Variants in UBQLN4 observed in about 807,000 individuals in gnomAD.
UBQLN4 encodes ubiquilin 4, also known as ubiquilin-4.
A neutral mutation model predicts 60.4 loss-of-function variants in UBQLN4; 11 were observed. The ratio of observed to expected loss-of-function variants is 0.18; its 90% CI spans 0.11 to 0.30. UBQLN4 has a LOEUF of 0.30. Ranked by LOEUF, UBQLN4 falls within the 10% of genes least tolerant of loss-of-function variation. The probability of loss-of-function intolerance (pLI) is 1.00; values close to 1 mark genes in which losing one functional copy is unlikely to be tolerated. For missense variants in UBQLN4, 417 were observed against 795.5 expected (o/e 0.52, Z 5.72); for synonymous variants, 258 against 313.1 (o/e 0.82, Z 1.86).
chr1:156,052,382 A>G (rs1299810607), intron 1 of UBQLN4, among the ~76,000 whole-genome samples: 1 of 152,238 alleles, frequency 6.6e-6, no homozygotes, highest in East Asian at 1.9e-4. Context: ...GCTGGAGTGC[A>G]GAGGTGCGAT....
chr1:156,043,059 C>T (rs1211892211), intron 6 of UBQLN4, 146 bp from the exon 7 acceptor site: 2 of 1,157,688 alleles, frequency 1.7e-6, no homozygotes, highest in African/African-American at 3.1e-5. Flanking sequence ...AGGATTGTGG[C>T]ATGAGTCCAA....
In UBQLN4 at chr1:156,050,374, T is replaced by C; in HGVS notation, c.658A>G (p.Met220Val). ...AACTGCTGCATCTGGGGGTTGGCCA[T>C]AATCATGTGACGCATCAGATCAGGG... ...SNPDLMRHMIMANPQMQQLME... is the reference protein window; with the variant it reads ...SNPDLMRHMIVANPQMQQLME... Residue 220 changes from methionine to valine, a missense_variant, in exon 4 of 11, where the codon ATG (methionine) becomes GTG (valine). Met to Val is a conservative substitution (Grantham distance 21). Coordinates refer to ENST00000368309, the MANE Select transcript of UBQLN4 (RefSeq NM_020131.5). The surrounding 1 kb of genome is among the most constrained non-coding windows in gnomAD (Gnocchi z 4.6). The C allele has an allele frequency of 1.2e-6, 2 of 1,613,794 alleles. No homozygotes were observed. The highest frequency in any genetic ancestry group is 1.7e-6 in the Non-Finnish European group (2 of 1,179,706).
chr1:156,049,825 C>T (rs1426572803), intron 4 of UBQLN4, among the ~76,000 whole-genome samples: 1 of 152,250 alleles, frequency 6.6e-6, no homozygotes, highest in Non-Finnish European at 1.5e-5. Context: ...TCCCCTGGTT[C>T]TCCATTCCCA....
In UBQLN4 at chr1:156,036,957, C is replaced by T. The variant is rs1217673744; in HGVS notation, c.*21G>A. The T allele has an allele frequency of 1.9e-6, 3 of 1,609,868 alleles. No homozygotes were observed. The highest frequency in any genetic ancestry group is 3.4e-5 in the Admixed American group (2 of 59,378). ...TGCTGACATCGAGGGAGGGGAGAGGCAGGAGGCATGGGCCGAGGGATTAGG... is the reference window on the plus strand; with the variant it reads ...TGCTGACATCGAGGGAGGGGAGAGGTAGGAGGCATGGGCCGAGGGATTAGG... On this transcript the variant is annotated 3_prime_UTR_variant, in exon 11 of 11. Transcript: ENST00000368309.
In UBQLN4 at chr1:156,035,461, C is replaced by T. The variant is rs539250735; in HGVS notation, c.*1517G>A. 3.0e-5 allele frequency: 30 copies of T among 984,488 alleles called. No individual in the cohort carries two copies. The highest frequency in any genetic ancestry group is 6.2e-5 in the Admixed American group (1 of 16,186). The allele number at this position is 984,488 out of a possible 1,614,324, so 61.0% of individuals were successfully genotyped here. A position where few individuals can be genotyped will look rare whatever the true frequency, so the allele number is the denominator to read the frequency against. On this transcript the variant is annotated 3_prime_UTR_variant, in exon 11 of 11. Transcript: ENST00000368309. ...GCCGTCATATTCTCAGCCATGGGGT[C>T]GGTCCTCCAAGCAGCTGGGCCAAGT...
intron 10 of UBQLN4, among the ~76,000 whole-genome samples, chr1:156,040,387 A>G (rs1683529967): frequency 6.6e-6 from 1 of 151,912 alleles, no homozygotes; most frequent in Non-Finnish European, 1.5e-5. Flanking sequence ...TCTCAAAAAA[A>G]AAAAAAGAAA....
intron 10 of UBQLN4, among the ~76,000 whole-genome samples, chr1:156,040,606 T>C (rs1405719404): frequency 6.6e-6 from 1 of 151,710 alleles, no homozygotes; most frequent in Non-Finnish European, 1.5e-5. Flanking sequence ...CCACCACGCC[T>C]GGCTAATTTT....
At chr1:156,037,552 C>T (rs554823429) in intron 10 of UBQLN4, among the ~76,000 whole-genome samples, 5 of 152,194 alleles carry the variant, frequency 3.3e-5, no homozygotes, top group South Asian at 2.1e-4. Flanking sequence ...GGCGAGATCG[C>T]GCCACTGCAC....
downstream of UBQLN4, chr1:156,033,398 G>GT (rs986117499): frequency 1.2e-5 from 8 of 677,622 alleles, no homozygotes; most frequent in Non-Finnish European, 1.3e-5. Flanking sequence ...GTTTTGTTTT[G>GT]TTTTTTTGCT....
At position 156,044,216 on chromosome 1, in the gene UBQLN4, T is replaced by C. The variant is rs1259862881; in HGVS notation, c.908A>G (p.Asn303Ser). Residue 303 changes from asparagine (N) to serine (S), a missense_variant, in exon 6 of 11, where the codon AAC (asparagine) becomes AGC (serine). By Grantham distance (46) the Asn-to-Ser change is conservative. Coordinates refer to ENST00000368309, the MANE Select transcript of UBQLN4 (RefSeq NM_020131.5). ...MFSAAREQFG[N>S]NPFSSLAGNS... ...CCCGGCCAGGGAAGAGAAGGGATTG[T>C]TGCCAAACTGGGAGGAGGGAAAGGT... 1.3e-6 allele frequency: 2 copies of C among 1,563,196 alleles called. No homozygotes were observed. The highest frequency in any genetic ancestry group is 2.4e-5 in the East Asian group (1 of 42,156).
chr1:156,050,531 C>T lies in UBQLN4; in HGVS notation c.501G>A (p.Gly167=), dbSNP rs765543518. Residue 167 remains glycine, a synonymous_variant, in exon 4 of 11, where the codon GGG becomes GGA. Coordinates refer to ENST00000368309, the MANE Select transcript of UBQLN4 (RefSeq NM_020131.5). This position sits in a 1 kb window ranked among gnomAD's most constrained non-coding sequence, Gnocchi z 4.6. ...SILSGFGGIL[G]LGSLGLGSAN... Reference sequence around the variant, plus strand: ...CAGAGCCCAGGCCTAGGCTGCCCAGCCCCAGGATGCCCCCAAAGCCAGCTG... The same window carrying T: ...CAGAGCCCAGGCCTAGGCTGCCCAGTCCCAGGATGCCCCCAAAGCCAGCTG... 8.1e-6 allele frequency: 13 copies of T among 1,611,430 alleles called. No homozygotes were observed. In the African/African-American group the frequency reaches 1.3e-4, roughly 17 times the overall value.
rs141021730 is a variant in UBQLN4 at position 156,051,181 on chromosome 1, C to T, written c.407G>A (p.Arg136Gln). ...SASSDAGSGS[R>Q]RSSGGGPSPG... ...AGAGGGCCCCCCACCACTGCTCCTC[C>T]GGCTTCCACTGCCAGCATCTGAAGA... is the stretch of plus-strand genomic sequence containing the variant. Residue 136 changes from arginine to glutamine, a missense_variant, in exon 3 of 11, where the codon CGG becomes CAG. Transcript: ENST00000368309. 100 of 1,611,376 alleles carry T rather than the reference C, an allele frequency of 6.2e-5. No individual in the cohort carries two copies. Among genetic ancestry groups the T allele is most frequent in the South Asian group, 9.9e-5 (9 of 90,638 alleles).
At chr1:156,051,525 T>C (rs1017094785) in intron 2 of UBQLN4, among the ~76,000 whole-genome samples, 181 bp downstream of exon 2, 5 of 152,126 alleles carry the variant, frequency 3.3e-5, no homozygotes, top group Admixed American at 6.5e-5. Flanking sequence ...TTATCTGTCT[T>C]CAGGGCATTC....
Position 156,051,732 on chromosome 1 carries a change from G to A in UBQLN4, c.234C>T (p.Val78=). Residue 78 remains valine, a synonymous_variant, in exon 2 of 11, where the codon GTC becomes GTT. Transcript: ENST00000368309. The part of the protein sequence containing the change: ...NQHGIKDGLT[V]HLVIKTPQKA... ...TCTGAGGGGTCTTGATGACCAGATGGACAGTGAGCCCGTCCTTGATTCCGT... is the reference window on the plus strand; with the variant it reads ...TCTGAGGGGTCTTGATGACCAGATGAACAGTGAGCCCGTCCTTGATTCCGT... 1 of 1,613,876 alleles carries A rather than the reference G, an allele frequency of 6.2e-7. No individual in the cohort carries two copies. The highest frequency in any genetic ancestry group is 8.5e-7 in the Non-Finnish European group (1 of 1,180,022).
chr1:156,046,460 T>C (rs1328951347), intron 5 of UBQLN4, among the ~76,000 whole-genome samples: 1 of 150,604 alleles, frequency 6.6e-6, no homozygotes, highest in African/African-American at 2.4e-5. Flanking sequence ...ATCACGCCAT[T>C]GCACTCCAGC....
chr1:156,036,091 G>A lies in UBQLN4; in HGVS notation c.*887C>T, dbSNP rs993266660. The A allele has an allele frequency of 1.0e-6, 1 of 985,450 alleles. No individual in the cohort carries two copies. Among genetic ancestry groups the A allele is most frequent in the African/African-American group, 1.7e-5 (1 of 57,228 alleles). 61.0% of individuals were successfully genotyped at this position (985,450 alleles called of 1,614,324 possible). A position where few individuals can be genotyped will look rare whatever the true frequency, so the allele number is the denominator to read the frequency against. Reference sequence around the variant, plus strand: ...ACTAAAGCCAATATGACCCCTTGTGGGGCGTGGCGCTTAGCTTCATTGGGC... The same window carrying A: ...ACTAAAGCCAATATGACCCCTTGTGAGGCGTGGCGCTTAGCTTCATTGGGC... On this transcript the variant is annotated 3_prime_UTR_variant, in exon 11 of 11. Transcript: ENST00000368309.
chr1:156,033,290 A>C, downstream of UBQLN4: 1 of 985,492 alleles, frequency 1.0e-6, no homozygotes, highest in Non-Finnish European at 1.2e-6. Context: ...GGCAGAAGCC[A>C]GAAGAGCAGA....
In UBQLN4 at chr1:156,041,560, TGGA is replaced by T. The variant is rs780052022; in HGVS notation, c.1575_1577del (p.Pro526del). On this transcript the variant is annotated inframe_deletion, in exon 10 of 11. Transcript: ENST00000368309. ...GCTGCTGGGCGCTGGAAGCCCCTGTTGGAGAAGATGTGGCTGGCGTGGCTGGTG... is the reference window on the plus strand; with the variant it reads ...GCTGCTGGGCGCTGGAAGCCCCTGTTGAAGATGTGGCTGGCGTGGCTGGTG... The T allele has an allele frequency of 2.5e-6, 4 of 1,613,128 alleles. No homozygotes were observed. In the African/African-American group the frequency reaches 4.0e-5, roughly 16 times the overall value.
At chr1:156,053,566 T>TG in intron 1 of UBQLN4, 28 bp downstream of exon 1, 3 of 742,700 alleles carry the variant, frequency 4.0e-6, no homozygotes, top group Non-Finnish European at 5.2e-6. Flanking sequence ...TCCTCCGCGC[T>TG]CCCCCCGCCC....
Sources: gnomAD v4.1 joint callset for allele counts (sites outside exome capture counted in the v4.1 genomes callset) on GRCh38, gnomAD v4.1.1 for gene constraint, Gnocchi (gnomAD v3.1) non-coding constraint, MANE v1.5 for transcripts, NCBI Gene and HGNC (gene_info 2026-07-23, HGNC 2026-07-21) for gene names.